CTNS: variants seen among roughly 807,000 people sequenced by gnomAD.
CTNS encodes the protein cystinosin.
In CTNS, 27 loss-of-function variants were observed where a neutral mutation model predicts 43.7. The ratio of observed to expected loss-of-function variants is 0.62; its 90% CI spans 0.46 to 0.85. CTNS has a LOEUF of 0.85. Ranked by LOEUF, CTNS falls within the 40% of genes least tolerant of loss-of-function variation. The probability of loss-of-function intolerance (pLI) is 0.00; values close to 1 mark genes in which losing one functional copy is unlikely to be tolerated. For missense variants in CTNS, 457 were observed against 475.4 expected (o/e 0.96, Z 0.36); for synonymous variants, 187 against 190.6 (o/e 0.98, Z 0.16).
intron 9 of CTNS, among the ~76,000 whole-genome samples, chr17:3,657,194 G>C (rs2076170434): frequency 6.6e-6 from 1 of 152,180 alleles, no homozygotes; most frequent in Non-Finnish European, 1.5e-5. Flanking sequence ...GAGGAGGGGA[G>C]GGGCCAGGGT....
intron 3 of CTNS, among the ~76,000 whole-genome samples, chr17:3,644,092 C>T (rs776527230): frequency 1.3e-5 from 2 of 152,138 alleles, no homozygotes; most frequent in Admixed American, 6.6e-5. Context: ...TTCCTAACTG[C>T]CTCCCACCTT....
chr17:3,654,943 C>T (rs1056409466), intron 5 of CTNS, 55 bp from the exon 6 acceptor site: 14 of 1,263,254 alleles, frequency 1.1e-5, no homozygotes, highest in African/African-American at 1.0e-4. Context: ...TAGATGCCAG[C>T]GGGGTCCTCG....
intron 5 of CTNS, chr17:3,650,257 G>T: frequency 6.4e-6 from 10 of 1,550,410 alleles, no homozygotes; most frequent in Non-Finnish European, 8.7e-6. Flanking sequence ...TCAGCTCTGA[G>T]CCCCCTAGGA....
At chr17:3,648,048 G>A (rs1343956161) in intron 4 of CTNS, among the ~76,000 whole-genome samples, 1 of 152,196 alleles carries the variant, frequency 6.6e-6, no homozygotes, top group Non-Finnish European at 1.5e-5. Context: ...CAGGGAGGCT[G>A]CCTCTGCCTT....
intron 7 of CTNS, chr17:3,656,026 C>T (rs981111455): frequency 3.1e-6 from 1 of 319,168 alleles, no homozygotes; most frequent in Non-Finnish European, 6.2e-6. Flanking sequence ...GGAGCCCTGT[C>T]CCTCCCATTC....
intron 5 of CTNS, among the ~76,000 whole-genome samples, chr17:3,653,781 C>T (rs1352688823): frequency 3.9e-5 from 6 of 151,956 alleles, no homozygotes; most frequent in East Asian, 1.9e-4. Flanking sequence ...GAGGCTGAGG[C>T]GGGAGAATCG....
Position 3,656,726 on chromosome 17 carries a change from C to T in CTNS, c.612C>T (p.Asn204=), listed in dbSNP as rs200170842. 21 of 1,613,528 alleles carry T rather than the reference C, an allele frequency of 1.3e-5. No homozygotes were observed. In the Admixed American group the frequency reaches 2.2e-4, roughly 17 times the overall value. ...YPNGVNPVNS[N]DVFFSLHAVV... ...ACGGAGTGAACCCCGTGAACAGCAACGACGTCTTCTTCAGCCTGCACGCGG... is the reference window on the plus strand; with the variant it reads ...ACGGAGTGAACCCCGTGAACAGCAATGACGTCTTCTTCAGCCTGCACGCGG... Residue 204 remains asparagine (N), a synonymous_variant, in exon 9 of 12, where the codon AAC becomes AAT. Coordinates refer to ENST00000046640, the MANE Select transcript of CTNS (RefSeq NM_004937.3).
Position 3,660,796 on chromosome 17 carries a change from A to G in CTNS, c.*427A>G. 1 of 1,609,496 alleles carries G rather than the reference A, an allele frequency of 6.2e-7. No individual in the cohort carries two copies. Among genetic ancestry groups the G allele is most frequent in the Middle Eastern group, 1.7e-4 (1 of 5,926 alleles). On this transcript the variant is annotated 3_prime_UTR_variant, in exon 12 of 12. Coordinates refer to ENST00000046640, the MANE Select transcript of CTNS (RefSeq NM_004937.3). ...ACCGCTGCATTCCCAGAGATCAAGC[A>G]GCCCGGTGCCGTGGCCAGTGAACTC...
intron 3 of CTNS, among the ~76,000 whole-genome samples, chr17:3,644,759 C>T (rs898218610): frequency 6.6e-6 from 1 of 152,194 alleles, no homozygotes; most frequent in Non-Finnish European, 1.5e-5. Context: ...CCACCGCGCC[C>T]GGCCTAATTT....
chr17:3,657,892 C>T (rs2076191133), intron 9 of CTNS, 113 bp from the exon 10 acceptor site: 1 of 1,242,002 alleles, frequency 8.1e-7, no homozygotes, highest in Non-Finnish European at 1.2e-6. Flanking sequence ...CCTTCAAGGC[C>T]AGGGTCCAGC....
intron 5 of CTNS, chr17:3,650,145 TTTTA>T: frequency 6.5e-7 from 1 of 1,548,842 alleles, no homozygotes; most frequent in South Asian, 1.2e-5. Context: ...TATATACACT[TTTTA>T]TTTGTCAATG....
chr17:3,644,679 T>C (rs1001226869), intron 3 of CTNS, among the ~76,000 whole-genome samples: 4 of 152,290 alleles, frequency 2.6e-5, no homozygotes, highest in South Asian at 2.1e-4. Context: ...TTAGCCAGGA[T>C]GGTCTCTATC....
intron 2 of CTNS, among the ~76,000 whole-genome samples, chr17:3,639,823 C>T (rs2075640350): frequency 1.3e-5 from 2 of 151,954 alleles, no homozygotes; most frequent in Admixed American, 1.3e-4. Context: ...AATATCTGAC[C>T]ACAGTTTTAA....
At chr17:3,641,296 A>T (rs1488072397) in intron 3 of CTNS, among the ~76,000 whole-genome samples, 1 of 146,000 alleles carries the variant, frequency 6.8e-6, no homozygotes, top group Admixed American at 6.9e-5. Flanking sequence ...AGCACTTCAA[A>T]GGTGCCAGGC....
chr17:3,657,731 T>C (rs999641604), intron 9 of CTNS: 1 of 534,750 alleles, frequency 1.9e-6, no homozygotes, highest in Non-Finnish European at 3.4e-6. Flanking sequence ...AGACAGAGCT[T>C]GAGAGTCCAA....
At chr17:3,636,500 C>A (rs970263189), upstream of CTNS, 8 of 406,704 alleles carry the variant, frequency 2.0e-5, no homozygotes, top group African/African-American at 4.2e-5. Flanking sequence ...GTCTGAGCTT[C>A]GCTCACGAAA....
chr17:3,648,037 C>G (rs866078971), intron 4 of CTNS, among the ~76,000 whole-genome samples: 1 of 152,192 alleles, frequency 6.6e-6, no homozygotes, highest in East Asian at 1.9e-4. Context: ...CCAGTCTGTG[C>G]CAGGGAGGCT....
rs777585405 is a variant in CTNS at position 3,660,404 on chromosome 17, C to T, written c.*35C>T. 5 of 1,614,092 alleles carry T rather than the reference C, an allele frequency of 3.1e-6. No homozygotes were observed. Among genetic ancestry groups the T allele is most frequent in the Middle Eastern group, 1.6e-4 (1 of 6,062 alleles). On this transcript the variant is annotated 3_prime_UTR_variant, in exon 12 of 12. Transcript: ENST00000046640. ...ACCCAGTGTACCCAGCCTCTGGCCTCGTGCCCTGCTGGGGAAGGCCTCACC... is the reference window on the plus strand; with the variant it reads ...ACCCAGTGTACCCAGCCTCTGGCCTTGTGCCCTGCTGGGGAAGGCCTCACC...
intron 10 of CTNS, among the ~76,000 whole-genome samples, chr17:3,659,487 T>G (rs1347599644): frequency 6.6e-6 from 1 of 152,208 alleles, no homozygotes; most frequent in Non-Finnish European, 1.5e-5. Context: ...CAGGCTGAGT[T>G]TGGGGACAGC....
Sources: gnomAD v4.1 joint callset for allele counts (sites outside exome capture counted in the v4.1 genomes callset) on GRCh38, gnomAD v4.1.1 for gene constraint, MANE v1.5 for transcripts, NCBI Gene and HGNC (gene_info 2026-07-23, HGNC 2026-07-21) for gene names.